Variants in PANK4 observed in about 807,000 individuals in gnomAD.
The protein encoded by PANK4 is pantothenate kinase 4 (inactive), also known as 4'-phosphopantetheine phosphatase.
PANK4 carries 40 observed loss-of-function variants against 87.9 expected under a neutral mutation model. The observed-to-expected ratio is 0.46, with a 90% CI of 0.35 to 0.59. The LOEUF (loss-of-function observed/expected upper bound fraction) is 0.59. Ranked by LOEUF, PANK4 falls within the 20% of genes least tolerant of loss-of-function variation. The probability of loss-of-function intolerance (pLI) is 0.00; values close to 1 mark genes in which losing one functional copy is unlikely to be tolerated. For synonymous variants in PANK4, 524 were observed against 467.4 expected (o/e 1.12, Z -1.56); for missense variants, 926 against 1,072.3 (o/e 0.86, Z 1.90).
rs776621029 is a variant in PANK4 at position 2,509,030 on chromosome 1, C to A, written c.2139G>T (p.Val713=). 2.5e-6 allele frequency: 4 copies of A among 1,602,252 alleles called. No homozygotes were observed. Among genetic ancestry groups the A allele is most frequent in the Non-Finnish European group, 2.5e-6 (3 of 1,179,396 alleles). Residue 713 remains valine, a synonymous_variant, in exon 19 of 19, where the codon GTG becomes GTT. Coordinates refer to ENST00000378466, the MANE Select transcript of PANK4 (RefSeq NM_018216.4). This position sits in a 1 kb window ranked among gnomAD's most constrained non-coding sequence, Gnocchi z 4.9. ...CCACCAGATCCGCGCCACGCTCCCG[C>A]ACCAGTGCGGCCAGCCCCTTATCCA... is the stretch of plus-strand genomic sequence containing the variant. ...SRLDKGLAAL[V]RERGADLVVI... is the part of the protein sequence containing the mutation.
rs555238094 is a variant in PANK4, at chr1:2,520,506, C to A, written c.607-92G>T. 1.8e-5 allele frequency: 14 copies of A among 797,268 alleles called. No homozygotes were observed. In the Admixed American group the frequency reaches 2.8e-4, roughly 16 times the overall value. 49.4% of individuals were successfully genotyped at this position (797,268 alleles called of 1,614,324 possible). On this transcript the variant is annotated intron_variant, in intron 4 of 18. Transcript: ENST00000378466. This position sits in a 1 kb window ranked among gnomAD's most constrained non-coding sequence, Gnocchi z 6.2. ...GCCCCATGTGCTGCGCTGGGGTGAA[C>A]CCCGCCCCCACCCCAACCGCCAGTG...
At chr1:2,522,049 C>T (rs556026750) in intron 1 of PANK4, 3 of 542,140 alleles carry the variant, frequency 5.5e-6, no homozygotes, top group Admixed American at 3.2e-5. Flanking sequence ...TCAAGAGGTC[C>T]CGCTTCCCCT....
rs1246622556 is a variant in PANK4 at position 2,511,609 on chromosome 1, G to A, written c.1783+19C>T. 3 of 1,583,120 alleles carry A rather than the reference G, an allele frequency of 1.9e-6. No homozygotes were observed. In the East Asian group the frequency reaches 6.7e-5, roughly 35 times the overall value. On this transcript the variant is annotated intron_variant, in intron 14 of 18. Transcript: ENST00000378466. ...GCCCCAGCACAAGGCAAGGCCCCAA[G>A]TTACTTGGCCATCCGTACCTTGTAA... is the stretch of plus-strand genomic sequence containing the variant.
rs1388312042 is a variant in PANK4, at chr1:2,513,058, G to A, written c.1576-19C>T. 1.3e-6 allele frequency: 2 copies of A among 1,575,518 alleles called. No individual in the cohort carries two copies. The highest frequency in any genetic ancestry group is 1.7e-6 in the Non-Finnish European group (2 of 1,155,640). On this transcript the variant is annotated intron_variant, in intron 12 of 18. Transcript: ENST00000378466. ...GCTTCACCTGTGGAGAGTGCCAGATGCCAGGCCTGAGTGAAGACGTGGCCT... is the reference window on the plus strand; with the variant it reads ...GCTTCACCTGTGGAGAGTGCCAGATACCAGGCCTGAGTGAAGACGTGGCCT...
chr1:2,513,151 G>T, intron 12 of PANK4, 112 bp from the exon 13 acceptor site: 3 of 1,144,136 alleles, frequency 2.6e-6, no homozygotes, highest in Non-Finnish European at 3.7e-6. Flanking sequence ...CGAAGACTCA[G>T]GCCCAACTGG....
chr1:2,516,019 A>G, intron 9 of PANK4: 2 of 463,552 alleles, frequency 4.3e-6, no homozygotes, highest in Non-Finnish European at 7.8e-6. Context: ...TCACCCTCCC[A>G]TCACCCCTCC....
chr1:2,524,828 C>T (rs554713200), intron 1 of PANK4, among the ~76,000 whole-genome samples: 12 of 152,376 alleles, frequency 7.9e-5, no homozygotes, highest in African/African-American at 2.4e-4. Context: ...GCAGAGCACA[C>T]GCTCTACCGG....
chr1:2,523,733 A>G (rs1643897260), intron 1 of PANK4, among the ~76,000 whole-genome samples: 1 of 152,212 alleles, frequency 6.6e-6, no homozygotes, highest in African/African-American at 2.4e-5. Flanking sequence ...AGGGGCACGC[A>G]CAGCAGGGAG....
intron 1 of PANK4, 65 bp from the exon 2 acceptor site, chr1:2,521,865 G>A: frequency 1.6e-6 from 2 of 1,241,216 alleles, no homozygotes; most frequent in South Asian, 1.2e-5. Flanking sequence ...GGGGGTCCAT[G>A]CCCCACACTC....
Position 2,510,868 on chromosome 1 carries a change from T to A in PANK4, c.1834-86A>T, listed in dbSNP as rs1181656282. The stretch of plus-strand genomic sequence containing the variant: ...ACCCCTGCTGCCCGTCACGCTGCCC[T>A]GCAGGGGCCGAGACTGGGGGCTTCA... On this transcript the variant is annotated intron_variant, in intron 15 of 18. Transcript: ENST00000378466. This position sits in a 1 kb window ranked among gnomAD's most constrained non-coding sequence, Gnocchi z 4.9. The A allele has an allele frequency of 1.2e-6, 1 of 818,154 alleles. No individual in the cohort carries two copies. Among genetic ancestry groups the A allele is most frequent in the Non-Finnish European group, 2.1e-6 (1 of 472,028 alleles). 50.7% of individuals were successfully genotyped at this position (818,154 alleles called of 1,614,324 possible). A position where few individuals can be genotyped will look rare whatever the true frequency, so the allele number is the denominator to read the frequency against.
In PANK4 at chr1:2,509,558, G is replaced by A. The variant is rs1184614534; in HGVS notation, c.2108+304C>T. On this transcript the variant is annotated intron_variant, in intron 18 of 18. Transcript: ENST00000378466. This position sits in a 1 kb window ranked among gnomAD's most constrained non-coding sequence, Gnocchi z 4.9. ...GTGGGACACGGAGGTGACAGACACCGGGCAGCTGCCCAGGTCGCCCTCGGT... is the reference window on the plus strand; with the variant it reads ...GTGGGACACGGAGGTGACAGACACCAGGCAGCTGCCCAGGTCGCCCTCGGT... Among the ~76,000 whole-genome samples, 2 of 152,168 alleles carry A rather than the reference G, an allele frequency of 1.3e-5. No homozygotes were observed. The highest frequency in any genetic ancestry group is 1.9e-4 in the East Asian group (1 of 5,186).
rs748409363 is a variant in PANK4 at position 2,515,516 on chromosome 1, C to T, written c.1374+46G>A. ...GCCCCCGGAGCCTTGGAAGGTTAAC[C>T]CGGCTGCGGCCTTGGAATCGTCTAG... On this transcript the variant is annotated intron_variant, in intron 10 of 18. Transcript: ENST00000378466. This position sits in a 1 kb window ranked among gnomAD's most constrained non-coding sequence, Gnocchi z 5.0. 5.0e-6 allele frequency: 8 copies of T among 1,602,632 alleles called. No homozygotes were observed. In the Admixed American group the frequency reaches 1.2e-4, roughly 23 times the overall value.
At chr1:2,518,660 C>A in intron 7 of PANK4, 63 bp from the exon 8 acceptor site, 1 of 1,384,862 alleles carries the variant, frequency 7.2e-7, no homozygotes, top group Non-Finnish European at 1.0e-6. Context: ...CCTCCGCAAA[C>A]CAGCTCAACG....
chr1:2,521,222 T>C lies in PANK4; in HGVS notation c.301A>G (p.Ile101Val), dbSNP rs774222513. The C allele has an allele frequency of 2.0e-5, 33 of 1,613,688 alleles. 2 individuals carry two copies. The Admixed American group carries it at 2.3e-4, about 11-fold the overall frequency. ...LHFIKFENTY[I>V]EACLDFIKDH... ...TTGATGAAGTCCAGGCAGGCTTCGA[T>C]GTAGGTATTCTCAAACTTAATGAAG... Residue 101 changes from isoleucine to valine, a missense_variant, in exon 3 of 19, where the codon ATC becomes GTC. Coordinates refer to ENST00000378466, the MANE Select transcript of PANK4 (RefSeq NM_018216.4).
intron 1 of PANK4, among the ~76,000 whole-genome samples, chr1:2,522,852 T>C (rs1557449352): frequency 1.0e-4 from 4 of 39,906 alleles, no homozygotes; most frequent in Admixed American, 3.0e-4. Context: ...GGGGACCGTG[T>C]GGTGCTATAG....
chr1:2,514,432 G>A lies in PANK4; in HGVS notation c.1409C>T (p.Ser470Phe). The A allele has an allele frequency of 6.2e-7, 1 of 1,611,928 alleles. No individual in the cohort carries two copies. Among genetic ancestry groups the A allele is most frequent in the Non-Finnish European group, 8.5e-7 (1 of 1,179,884 alleles). Residue 470 changes from serine (S) to phenylalanine (F), a missense_variant, in exon 11 of 19, where the codon TCT becomes TTT. Ser to Phe is a radical substitution (Grantham distance 155, BLOSUM62 -2). Transcript: ENST00000378466. ...VKRAVASQPD[S>F]VDAAERAEKF... ...CTCCGCCCTCTCGGCTGCATCCACAGAGTCTGGCTGGCTCGCCACTGCGCG... is the reference window on the plus strand; with the variant it reads ...CTCCGCCCTCTCGGCTGCATCCACAAAGTCTGGCTGGCTCGCCACTGCGCG...
chr1:2,515,658 C>G lies in PANK4; in HGVS notation c.1278G>C (p.Leu426=). ...TGTCGGGCACGTAGGAGGGCGGGTC[C>G]AGGAGGAGCGGCAGGTCAACCAGTG... ...ERPLVDLPLL[L]DPPSYVPDTV... is the part of the protein sequence containing the mutation. Residue 426 remains leucine (L), a synonymous_variant, in exon 10 of 19, where the codon CTG becomes CTC. Transcript: ENST00000378466. This position sits in a 1 kb window ranked among gnomAD's most constrained non-coding sequence, Gnocchi z 5.0. 6.2e-7 allele frequency: 1 copy of G among 1,613,198 alleles called. No homozygotes were observed. Among genetic ancestry groups the G allele is most frequent in the Non-Finnish European group, 8.5e-7 (1 of 1,179,950 alleles).
intron 9 of PANK4, 48 bp downstream of exon 9, chr1:2,518,116 C>A: frequency 8.4e-7 from 1 of 1,195,520 alleles, no homozygotes; most frequent in South Asian, 1.3e-5. Flanking sequence ...GTGAGTGCGG[C>A]ATAGGCTGCT....
Position 2,518,254 on chromosome 1 carries a change from C to T in PANK4, c.1128G>A (p.Gln376=). The change falls in exon 9 of 19, where the codon CAG becomes CAA. Residue 376 remains glutamine, a synonymous_variant. Transcript: ENST00000378466. ...CTGCATAGTTCTCTCCCCAGCTGTA[C>T]TGGTTAGGATCTGGAAAGCAAGAAG... ...LKGAEQDNPN[Q]YSWGENYAGS... 2 of 1,610,982 alleles carry T rather than the reference C, an allele frequency of 1.2e-6. No individual in the cohort carries two copies. The highest frequency in any genetic ancestry group is 1.3e-5 in the African/African-American group (1 of 75,022).
Sources: allele counts gnomAD v4.1 joint callset (sites outside exome capture counted in the v4.1 genomes callset), GRCh38; gene constraint gnomAD v4.1.1; non-coding constraint Gnocchi (gnomAD v3.1); transcripts MANE v1.5; gene names NCBI Gene and HGNC (gene_info 2026-07-23, HGNC 2026-07-21).